Variants in CCDC32 observed in about 807,000 individuals in gnomAD.
CCDC32 encodes coiled-coil domain containing 32, also known as coiled-coil domain-containing protein 32.
Under a neutral mutation model 20.1 loss-of-function variants are expected in CCDC32, and 9 were observed. The ratio of observed to expected loss-of-function variants is 0.45; its 90% confidence interval spans 0.27 to 0.78. The LOEUF is 0.78. CCDC32 is among the 30% of genes least tolerant of loss of function. The probability of loss-of-function intolerance (pLI) is 0.16; values close to 1 mark genes in which losing one functional copy is unlikely to be tolerated. For synonymous variants in CCDC32, 63 were observed against 79.0 expected (o/e 0.80, Z 1.07); for missense variants, 204 against 215.5 (o/e 0.95, Z 0.33).
downstream of CCDC32, among the ~76,000 whole-genome samples, chr15:40,524,854 G>T (rs1725507967): frequency 7.0e-6 from 1 of 143,568 alleles, no homozygotes; most frequent in Non-Finnish European, 1.5e-5. Flanking sequence ...AGCCTCCTGT[G>T]TAGCTATGAT....
intron 3 of CCDC32, among the ~76,000 whole-genome samples, chr15:40,556,003 C>T (rs773012253): frequency 6.6e-6 from 1 of 152,198 alleles, no homozygotes; most frequent in Non-Finnish European, 1.5e-5. Context: ...ATACCCTTTA[C>T]AAATAGTAAC....
At chr15:40,556,218 C>T (rs1186673931) in intron 3 of CCDC32, among the ~76,000 whole-genome samples, 1 of 152,230 alleles carries the variant, frequency 6.6e-6, no homozygotes, top group Non-Finnish European at 1.5e-5. Context: ...AAACTACTTG[C>T]AGGTACTGTT....
chr15:40,564,631 G>T (rs1234241325), intron 1 of CCDC32: 1 of 1,237,912 alleles, frequency 8.1e-7, no homozygotes, highest in Non-Finnish European at 1.2e-6. Context: ...AGGAGACAGA[G>T]CCCAGCCAGC....
At chr15:40,537,455 C>CT (rs1203589452), downstream of CCDC32, 2 of 152,254 alleles carry the variant, frequency 1.3e-5, no homozygotes, top group African/African-American at 4.8e-5. Context: ...CATCGGGGCA[C>CT]TAGCAGCCTT....
chr15:40,525,052 A>G (rs1894884131), downstream of CCDC32, among the ~76,000 whole-genome samples: 2 of 144,524 alleles, frequency 1.4e-5, no homozygotes, highest in African/African-American at 2.6e-5. Context: ...TTTTTTTGAG[A>G]TGGAGTCTCA....
chr15:40,522,263 A>T, the CCDC32 span, among the ~76,000 whole-genome samples: 1 of 152,222 alleles, frequency 6.6e-6, no homozygotes, highest in African/African-American at 2.4e-5. Context: ...AAATCAATTA[A>T]TCATAAATGA....
At chr15:40,526,621 CA>C (rs2141593753), downstream of CCDC32, among the ~76,000 whole-genome samples, 1 of 152,272 alleles carries the variant, frequency 6.6e-6, no homozygotes, top group Admixed American at 6.5e-5. Flanking sequence ...TTAATTAGAA[CA>C]AATGTGCTGG....
At chr15:40,533,436 G>C (rs1454825453), downstream of CCDC32, among the ~76,000 whole-genome samples, 1 of 152,026 alleles carries the variant, frequency 6.6e-6, no homozygotes, top group African/African-American at 2.4e-5. Flanking sequence ...TGCAACCTCT[G>C]CCTCCTGGGT....
chr15:40,521,973 G>GTT, the CCDC32 span, among the ~76,000 whole-genome samples: 1 of 152,106 alleles, frequency 6.6e-6, no homozygotes, highest in Non-Finnish European at 1.5e-5. Context: ...ATAAAGTCCA[G>GTT]TTTATCTATT....
downstream of CCDC32, chr15:40,535,704 G>T: frequency 1.1e-6 from 1 of 922,808 alleles, no homozygotes; most frequent in Non-Finnish European, 1.3e-6. Flanking sequence ...CAGTGTGCGG[G>T]ATTTGAGCAC....
chr15:40,563,108 A>G (rs1566986832), intron 1 of CCDC32, 81 bp from the exon 2 acceptor site: 10 of 1,487,342 alleles, frequency 6.7e-6, no homozygotes, highest in Non-Finnish European at 9.0e-6. Flanking sequence ...CACGACTGTA[A>G]TCCCAACACT....
intron 1 of CCDC32, 93 bp downstream of exon 1, chr15:40,564,883 T>A (rs1890917737): frequency 6.8e-7 from 1 of 1,480,790 alleles, no homozygotes; most frequent in Non-Finnish European, 9.4e-7. Flanking sequence ...CTGGACGGGA[T>A]GAATCAGGTC....
downstream of CCDC32, chr15:40,535,445 G>A (rs1889069012): frequency 1.0e-5 from 10 of 992,518 alleles, no homozygotes; most frequent in South Asian, 4.6e-4. Flanking sequence ...TCTCTCATTT[G>A]ATCTAGGGTG....
chr15:40,550,895 G>T (rs1889825887), downstream of CCDC32, among the ~76,000 whole-genome samples: 1 of 152,188 alleles, frequency 6.6e-6, no homozygotes, highest in African/African-American at 2.4e-5. Flanking sequence ...GGCAAAGCTA[G>T]AATCTTGCCT....
chr15:40,532,719 T>C (rs866800048), downstream of CCDC32, among the ~76,000 whole-genome samples: 67 of 135,504 alleles, frequency 4.9e-4, no homozygotes, highest in African/African-American at 1.8e-3. Context: ...TCTTTCTTTT[T>C]TTTTTTTTTT....
At chr15:40,548,018 G>C (rs1889692850) in intron 3 of CCDC32, among the ~76,000 whole-genome samples, 1 of 152,152 alleles carries the variant, frequency 6.6e-6, no homozygotes, top group Non-Finnish European at 1.5e-5. Flanking sequence ...CCACTTGTAA[G>C]ACAGCCACAT....
chr15:40,539,482 T>G (rs1393313549), intron 3 of CCDC32: 1 of 780,194 alleles, frequency 1.3e-6, no homozygotes, highest in Non-Finnish European at 2.1e-6. Context: ...TGCGAGGAAG[T>G]GAGGTGTCGA....
downstream of CCDC32, among the ~76,000 whole-genome samples, chr15:40,530,143 G>A (rs1461139196): frequency 2.7e-5 from 4 of 150,898 alleles, no homozygotes; most frequent in South Asian, 2.1e-4. Flanking sequence ...AATACAAAAA[G>A]TGAGCCAGGC....
chr15:40,526,110 G>A (rs1894897722), downstream of CCDC32, among the ~76,000 whole-genome samples: 1 of 152,126 alleles, frequency 6.6e-6, no homozygotes, highest in African/African-American at 2.4e-5. Flanking sequence ...CTCACACAAT[G>A]TGGGCTGTGT....
Sources: allele counts gnomAD v4.1 joint callset (sites outside exome capture counted in the v4.1 genomes callset), GRCh38; gene constraint gnomAD v4.1.1; transcripts MANE v1.5; gene names NCBI Gene and HGNC (gene_info 2026-07-23, HGNC 2026-07-21).